CA10: variants seen among roughly 807,000 people sequenced by gnomAD.
CA10 encodes carbonic anhydrase-related protein 10.
CA10 carries 14 observed loss-of-function variants against 44.2 expected under a neutral mutation model. The observed-to-expected ratio is 0.32, with a 90% CI of 0.21 to 0.50. The LOEUF (loss-of-function observed/expected upper bound fraction) is 0.50. Among genes scored for constraint, CA10 ranks in the 20% least tolerant of loss-of-function variants. The pLI is 0.99. For synonymous variants in CA10, 159 were observed against 141.6 expected (o/e 1.12, Z -0.87); for missense variants, 350 against 409.7 (o/e 0.85, Z 1.26).
At chr17:52,046,845 G>T (rs530650357) in intron 2 of CA10, among the ~76,000 whole-genome samples, 1 of 151,872 alleles carries the variant, frequency 6.6e-6, no homozygotes, top group African/African-American at 2.4e-5. Flanking sequence ...TCATAGTCAA[G>T]TGCAGTTCAT....
At chr17:51,816,836 G>C (rs1907579787) in intron 3 of CA10, among the ~76,000 whole-genome samples, 1 of 152,036 alleles carries the variant, frequency 6.6e-6, no homozygotes, top group Non-Finnish European at 1.5e-5. Flanking sequence ...CTGTCAAAGA[G>C]GACCACGGCA....
At chr17:51,906,219 T>G (rs1447955495) in intron 3 of CA10, among the ~76,000 whole-genome samples, 2 of 152,162 alleles carry the variant, frequency 1.3e-5, no homozygotes, top group Non-Finnish European at 2.9e-5. Context: ...TTTTAAATAG[T>G]TTTTTATACT....
chr17:52,146,274 G>A (rs1239885641), intron 1 of CA10, among the ~76,000 whole-genome samples: 1 of 152,124 alleles, frequency 6.6e-6, no homozygotes, highest in Non-Finnish European at 1.5e-5. Flanking sequence ...AATAAGATGT[G>A]GCTGGCTGGG....
At chr17:51,689,262 T>C (rs1010914876) in intron 4 of CA10, among the ~76,000 whole-genome samples, 1 of 152,196 alleles carries the variant, frequency 6.6e-6, no homozygotes, top group Non-Finnish European at 1.5e-5. Flanking sequence ...AGCAGAGATT[T>C]TAAAAATGGC....
At position 52,131,366 on chromosome 17, in the gene CA10, C is replaced by T. The variant is rs1337665918; in HGVS notation, c.61+26360G>A. ...AAACATGAAATTTATATTTCTCTTA[C>T]ATTTTACTATTCTCTAATGAGGGAA... On this transcript the variant is annotated intron_variant, in intron 1 of 8. Transcript: ENST00000451037. 2.0e-5 allele frequency among the ~76,000 whole-genome samples: 3 copies of T among 152,194 alleles called. No homozygotes were observed. The East Asian group carries it at 5.8e-4, about 29-fold the overall frequency.
chr17:51,852,632 T>C (rs1295126705), intron 3 of CA10, among the ~76,000 whole-genome samples: 1 of 152,192 alleles, frequency 6.6e-6, no homozygotes, highest in Non-Finnish European at 1.5e-5. Context: ...ACTTGGGCTG[T>C]GGAATCAGAA....
chr17:51,752,694 C>A (rs867065972), intron 3 of CA10, among the ~76,000 whole-genome samples: 4 of 152,006 alleles, frequency 2.6e-5, no homozygotes, highest in African/African-American at 4.8e-5. Flanking sequence ...TTTGGGAGGT[C>A]GAGGCAGGCG....
At chr17:52,097,105 T>C (rs1462921097) in intron 1 of CA10, among the ~76,000 whole-genome samples, 1 of 66,778 alleles carries the variant, frequency 1.5e-5, no homozygotes, top group Non-Finnish European at 3.3e-5. Context: ...AACTAGGATA[T>C]CCCATTTTTA....
chr17:52,152,123 T>C (rs1370393148), intron 1 of CA10, among the ~76,000 whole-genome samples: 1 of 151,302 alleles, frequency 6.6e-6, no homozygotes, highest in Non-Finnish European at 1.5e-5. Flanking sequence ...TACGAAAAAA[T>C]TCCAACTCAA....
At chr17:51,917,838 C>T (rs1490726247) in intron 3 of CA10, among the ~76,000 whole-genome samples, 3 of 152,162 alleles carry the variant, frequency 2.0e-5, no homozygotes, top group African/African-American at 4.8e-5. Flanking sequence ...GGCACAATAT[C>T]CCAACTATAT....
chr17:51,748,391 A>G (rs189872872), intron 3 of CA10: 2 of 757,764 alleles, frequency 2.6e-6, no homozygotes, highest in African/African-American at 1.9e-5. Context: ...AAAGGGATTC[A>G]CTCAAACTTC....
chr17:52,078,096 T>G (rs963746211), intron 1 of CA10, among the ~76,000 whole-genome samples: 2 of 152,180 alleles, frequency 1.3e-5, no homozygotes, highest in African/African-American at 4.8e-5. Flanking sequence ...TGTGAGTAGA[T>G]CCCTATCATT....
intron 1 of CA10, among the ~76,000 whole-genome samples, chr17:52,150,202 T>C (rs1262101338): frequency 1.3e-5 from 2 of 152,276 alleles, no homozygotes; most frequent in Middle Eastern, 3.4e-3. Flanking sequence ...GCCAAAATCT[T>C]CCACGACAAC....
intron 3 of CA10, among the ~76,000 whole-genome samples, chr17:51,882,128 G>A (rs187149061): frequency 9.9e-5 from 15 of 151,174 alleles, no homozygotes; most frequent in Admixed American, 7.9e-4. Context: ...AAATAGATGC[G>A]TATGTTATGC....
intron 2 of CA10, among the ~76,000 whole-genome samples, chr17:52,014,510 A>G (rs749697252): frequency 1.3e-5 from 2 of 152,078 alleles, no homozygotes; most frequent in Non-Finnish European, 2.9e-5. Context: ...AAGAAAAGTT[A>G]TAAAATTTAG....
intron 3 of CA10, among the ~76,000 whole-genome samples, chr17:51,903,280 C>T (rs2143935152): frequency 6.6e-6 from 1 of 152,210 alleles, no homozygotes; most frequent in African/African-American, 2.4e-5. Flanking sequence ...CAAGGCTTGG[C>T]TATTCAAAGG....
At chr17:51,849,046 T>C (rs902439177) in intron 3 of CA10, among the ~76,000 whole-genome samples, 3 of 151,082 alleles carry the variant, frequency 2.0e-5, no homozygotes. Flanking sequence ...ACTGACTGAC[T>C]GTCTATCTCT....
At chr17:51,766,308 C>T (rs144211562) in intron 3 of CA10, among the ~76,000 whole-genome samples, 1 of 152,188 alleles carries the variant, frequency 6.6e-6, no homozygotes, top group Non-Finnish European at 1.5e-5. Flanking sequence ...ATGAATTCCA[C>T]AAGTCTCCAT....
chr17:52,142,763 C>T (rs1989510116), intron 1 of CA10, among the ~76,000 whole-genome samples: 1 of 151,992 alleles, frequency 6.6e-6, no homozygotes, highest in Non-Finnish European at 1.5e-5. Context: ...TTCCTCACAA[C>T]CTCCTCAGGC....
Sources: allele counts gnomAD v4.1 joint callset (sites outside exome capture counted in the v4.1 genomes callset), GRCh38; gene constraint gnomAD v4.1.1; transcripts MANE v1.5; gene names NCBI Gene and HGNC (gene_info 2026-07-23, HGNC 2026-07-21).